The following TTC3 variants were observed in gnomAD, a reference collection of about 807,000 sequenced individuals.
The protein encoded by TTC3 is tetratricopeptide repeat domain 3.
Under a neutral mutation model 249.6 loss-of-function variants are expected in TTC3, and 180 were observed. The ratio of observed to expected loss-of-function variants is 0.72; its 90% CI spans 0.64 to 0.82. The LOEUF is 0.82. TTC3 is among the 40% of genes least tolerant of loss of function. The pLI, the probability that TTC3 is intolerant of heterozygous loss-of-function variation, is 0.00. For synonymous variants in TTC3, 717 were observed against 805.0 expected, an observed-to-expected ratio of 0.89 and a Z score of 1.85; for missense variants, 2,061 against 2,398.4, an observed-to-expected ratio of 0.86 and a Z score of 2.94.
chr21:37,125,007 C>G (rs2076942415), intron 14 of TTC3, among the ~76,000 whole-genome samples: 2 of 152,172 alleles, frequency 1.3e-5, no homozygotes, highest in African/African-American at 4.8e-5. Context: ...TTTGCCGCTT[C>G]TCTTTGTATC....
chr21:37,124,856 C>A (rs1032922961), intron 14 of TTC3, 114 bp downstream of exon 14: 137 of 907,866 alleles, frequency 1.5e-4, no homozygotes, highest in Non-Finnish European at 2.2e-4. Context: ...CCCTTTTTGC[C>A]TATTGTTACT....
At chr21:37,112,689 T>G (rs1037718833) in intron 11 of TTC3, among the ~76,000 whole-genome samples, 3 of 152,160 alleles carry the variant, frequency 2.0e-5, no homozygotes, top group Non-Finnish European at 4.4e-5. Flanking sequence ...TAACTCATTT[T>G]ATGAAGCCAG....
chr21:37,154,831 T>G (rs530126389), intron 27 of TTC3, among the ~76,000 whole-genome samples: 38 of 152,170 alleles, frequency 2.5e-4, no homozygotes, highest in East Asian at 3.9e-4. Flanking sequence ...GAGCAGCTGG[T>G]ACTACAGGTG....
At chr21:37,108,509 T>A in intron 11 of TTC3, 63 bp downstream of exon 11, 3 of 1,461,694 alleles carry the variant, frequency 2.1e-6, no homozygotes, top group Non-Finnish European at 2.8e-6. Context: ...AAAAATCTGT[T>A]TATAGGGTGT....
intron 1 of TTC3, chr21:37,086,904 A>T (rs1269306853): frequency 1.0e-5 from 2 of 197,816 alleles, no homozygotes; most frequent in East Asian, 2.4e-4. Context: ...CATTCAGCAA[A>T]CACTTATTTG....
chr21:37,077,214 T>C (rs2071015985), intron 1 of TTC3, among the ~76,000 whole-genome samples: 1 of 152,164 alleles, frequency 6.6e-6, no homozygotes, highest in Admixed American at 6.5e-5. Flanking sequence ...TGTGATGTTC[T>C]AGAAATTCAC....
intron 18 of TTC3, among the ~76,000 whole-genome samples, chr21:37,136,746 A>G (rs1186588969): frequency 6.6e-6 from 1 of 152,258 alleles, no homozygotes; most frequent in African/African-American, 2.4e-5. Context: ...GCTAAACAAC[A>G]GATTGTCAAT....
At chr21:37,079,619 C>T (rs1325063144) in intron 1 of TTC3, among the ~76,000 whole-genome samples, 4 of 146,320 alleles carry the variant, frequency 2.7e-5, no homozygotes, top group African/African-American at 1.0e-4. Flanking sequence ...GCAACCTCTG[C>T]CTCCTGAGTT....
chr21:37,087,300 G>T, exon 2 of TTC3: 1 of 1,614,096 alleles, frequency 6.2e-7, no homozygotes, highest in Non-Finnish European at 8.5e-7. Flanking sequence ...GGCGGATTAT[G>T]CCTTGTTAGA....
At chr21:37,132,512 C>T (rs990768553) in intron 16 of TTC3, among the ~76,000 whole-genome samples, 170 bp from the exon 17 acceptor site, 3 of 151,976 alleles carry the variant, frequency 2.0e-5, no homozygotes, top group Admixed American at 6.6e-5. Flanking sequence ...AGAGTTTCAC[C>T]ATGTTGGTCA....
intron 11 of TTC3, among the ~76,000 whole-genome samples, chr21:37,111,207 CT>C (rs745717197): frequency 2.0e-5 from 3 of 152,170 alleles, no homozygotes; most frequent in African/African-American, 4.8e-5. Flanking sequence ...CATAACAATA[CT>C]AACCTTAAAT....
intron 31 of TTC3, among the ~76,000 whole-genome samples, 183 bp from the exon 32 acceptor site, chr21:37,163,868 G>A (rs1221720836): frequency 1.3e-5 from 2 of 152,042 alleles, no homozygotes; most frequent in Admixed American, 1.3e-4. Flanking sequence ...GATATTTCTC[G>A]CCTATAACTG....
rs542160992 is a variant in TTC3 at position 37,150,448 on chromosome 21, G to A, written c.2211+278G>A. On this transcript the variant is annotated intron_variant, in intron 24 of 45. Transcript: ENST00000355666. ...TTGATAACTTCATTTTCTTAATCCC[G>A]GTAAACTTTTGGGCAGTAGTGGGTG... is the stretch of plus-strand genomic sequence containing the variant. Among the ~76,000 whole-genome samples the A allele has an allele frequency of 3.1e-4, 47 of 151,984 alleles. 1 individual carries two copies. Among genetic ancestry groups the A allele is most frequent in the South Asian group, 2.9e-3 (14 of 4,816 alleles).
At chr21:37,169,086 C>CT (rs5843808) in intron 34 of TTC3, among the ~76,000 whole-genome samples, 152,222 of 152,222 alleles carry the variant, frequency 1, 76,111 homozygotes, top group Non-Finnish European at 1. Flanking sequence ...ATCACTTCTG[C>CT]GCATTCTCTT....
chr21:37,103,829 G>C lies in TTC3; in HGVS notation c.846-4563G>C, dbSNP rs187658117. On this transcript the variant is annotated intron_variant, in intron 10 of 45. Transcript: ENST00000355666. ...CTAGATGGCCTGAATACAGAGGAGAGGGTAGTATGTTCATAGGCTAAGCCA... is the reference window on the plus strand; with the variant it reads ...CTAGATGGCCTGAATACAGAGGAGACGGTAGTATGTTCATAGGCTAAGCCA... Among the ~76,000 whole-genome samples the C allele has an allele frequency of 5.3e-5, 8 of 152,114 alleles. No individual in the cohort carries two copies. In the East Asian group the frequency reaches 9.7e-4, roughly 18 times the overall value.
At chr21:37,110,513 A>T (rs1443261562) in intron 11 of TTC3, among the ~76,000 whole-genome samples, 1 of 152,210 alleles carries the variant, frequency 6.6e-6, no homozygotes, top group Non-Finnish European at 1.5e-5. Flanking sequence ...AGAGAAAAAG[A>T]ATAAAAAGAA....
At chr21:37,137,703 G>A (rs1302638615) in intron 18 of TTC3, among the ~76,000 whole-genome samples, 2 of 152,176 alleles carry the variant, frequency 1.3e-5, no homozygotes, top group African/African-American at 4.8e-5. Context: ...AATTTTGAAA[G>A]AAGTTCTAGT....
intron 18 of TTC3, among the ~76,000 whole-genome samples, 164 bp downstream of exon 18, chr21:37,135,678 C>T (rs2077869613): frequency 6.6e-6 from 1 of 152,216 alleles, no homozygotes; most frequent in Non-Finnish European, 1.5e-5. Context: ...CCAATTCAGA[C>T]TTCATGAGTA....
At chr21:37,117,383 GT>G in intron 11 of TTC3, among the ~76,000 whole-genome samples, 1 of 152,274 alleles carries the variant, frequency 6.6e-6, no homozygotes, top group Admixed American at 6.5e-5. Context: ...AGGGTGACCA[GT>G]TTGTTGGTAT....
Sources: allele counts gnomAD v4.1 joint callset (sites outside exome capture counted in the v4.1 genomes callset), GRCh38; gene constraint gnomAD v4.1.1; transcripts MANE v1.5; gene names NCBI Gene and HGNC (gene_info 2026-07-23, HGNC 2026-07-21).